KCNIP4: variants seen among roughly 807,000 people sequenced by gnomAD.
The protein encoded by KCNIP4 is Kv channel-interacting protein 4.
A neutral mutation model predicts 34.0 loss-of-function variants in KCNIP4; 12 were observed. That is an observed-to-expected ratio of 0.35 (90% confidence interval 0.23 to 0.57). The LOEUF is 0.57. Among genes scored for constraint, KCNIP4 ranks in the 20% least tolerant of loss-of-function variants. KCNIP4 has a pLI of 0.83. For missense variants in KCNIP4, 238 were observed against 311.7 expected (o/e 0.76, Z 1.78); for synonymous variants, 124 against 102.2 (o/e 1.21, Z -1.29).
chr4:21,119,776 A>C (rs192656744), intron 1 of KCNIP4, among the ~76,000 whole-genome samples: 1 of 152,108 alleles, frequency 6.6e-6, no homozygotes, highest in Admixed American at 6.5e-5. Context: ...CAAAGTAATT[A>C]GCAGGTTTAG....
chr4:21,226,098 A>G (rs976377339), intron 1 of KCNIP4, among the ~76,000 whole-genome samples: 3 of 151,576 alleles, frequency 2.0e-5, no homozygotes, highest in African/African-American at 7.3e-5. Context: ...CTCACTGTAG[A>G]GATGAAGAGA....
chr4:21,262,224 G>A (rs1761516768), intron 1 of KCNIP4, among the ~76,000 whole-genome samples: 1 of 151,906 alleles, frequency 6.6e-6, no homozygotes, highest in African/African-American at 2.4e-5. Context: ...TGGTTTTGAT[G>A]TCATCTCATC....
At chr4:21,808,564 T>C (rs756324559) in intron 1 of KCNIP4, among the ~76,000 whole-genome samples, 3 of 152,154 alleles carry the variant, frequency 2.0e-5, no homozygotes, top group Admixed American at 2.0e-4. Context: ...CAGTCAACAG[T>C]AGACTATTAG....
intron 1 of KCNIP4, among the ~76,000 whole-genome samples, chr4:21,366,814 G>A (rs571204217): frequency 5.9e-5 from 9 of 152,102 alleles, no homozygotes; most frequent in Non-Finnish European, 1.3e-4. Flanking sequence ...GAGAGGGGAG[G>A]GAGGGAGAGA....
chr4:21,748,268 A>T (rs1716910109), intron 1 of KCNIP4, among the ~76,000 whole-genome samples: 2 of 152,156 alleles, frequency 1.3e-5, no homozygotes, highest in South Asian at 4.1e-4. Flanking sequence ...AGGGTTGGGT[A>T]TTGGCTCCAT....
intron 1 of KCNIP4, among the ~76,000 whole-genome samples, chr4:21,435,114 C>T (rs1001369087): frequency 1.3e-5 from 2 of 152,038 alleles, no homozygotes; most frequent in Non-Finnish European, 2.9e-5. Flanking sequence ...TTGGCCCTTT[C>T]AAAGCACAGA....
rs557612493 is a variant in KCNIP4 at position 21,324,854 on chromosome 4, T to C, written c.62-442145A>G. On this transcript the variant is annotated intron_variant, in intron 1 of 8. Coordinates refer to ENST00000382152, the MANE Select transcript of KCNIP4 (RefSeq NM_025221.6). ...AATCCATGGATTGCTTTAGGTAGTA[T>C]GGACATTTTAATAATATTGTTTTTT... Among the ~76,000 whole-genome samples, 7 of 152,114 alleles carry C rather than the reference T, an allele frequency of 4.6e-5. No individual in the cohort carries two copies. In the East Asian group the frequency reaches 1.4e-3, roughly 29 times the overall value.
At chr4:21,829,761 G>C (rs2109303464) in intron 1 of KCNIP4, among the ~76,000 whole-genome samples, 1 of 151,136 alleles carries the variant, frequency 6.6e-6, no homozygotes, top group East Asian at 2.0e-4. Flanking sequence ...GAGGAAGAAA[G>C]GAACAAAAGT....
intron 1 of KCNIP4, among the ~76,000 whole-genome samples, chr4:21,719,243 A>C (rs1295711138): frequency 6.6e-6 from 1 of 152,192 alleles, no homozygotes; most frequent in African/African-American, 2.4e-5. Context: ...AAACCTAATT[A>C]TATCAGACAC....
At chr4:21,474,588 C>T (rs1184184615) in intron 1 of KCNIP4, among the ~76,000 whole-genome samples, 1 of 152,116 alleles carries the variant, frequency 6.6e-6, no homozygotes, top group East Asian at 1.9e-4. Context: ...AAAGCATTAT[C>T]TATAGTGATC....
intron 4 of KCNIP4, among the ~76,000 whole-genome samples, chr4:20,753,848 C>CA (rs1231167079): frequency 6.6e-6 from 1 of 152,134 alleles, no homozygotes; most frequent in Non-Finnish European, 1.5e-5. Context: ...AAGTGACTTG[C>CA]ATACAGCGGC....
chr4:21,693,693 T>C (rs1180748986), intron 1 of KCNIP4, among the ~76,000 whole-genome samples: 1 of 152,202 alleles, frequency 6.6e-6, no homozygotes, highest in African/African-American at 2.4e-5. Context: ...AATGGACAAA[T>C]GTGCATCATC....
intron 1 of KCNIP4, among the ~76,000 whole-genome samples, chr4:21,215,966 C>A (rs1414452744): frequency 6.6e-6 from 1 of 152,060 alleles, no homozygotes; most frequent in African/African-American, 2.4e-5. Context: ...CAGGCATGTG[C>A]CTTTTTTAGA....
chr4:21,135,406 C>G (rs545471769), intron 1 of KCNIP4, among the ~76,000 whole-genome samples: 1 of 152,228 alleles, frequency 6.6e-6, no homozygotes, highest in East Asian at 1.9e-4. Context: ...CAAAGCATCC[C>G]CATTTTTGTA....
intron 1 of KCNIP4, among the ~76,000 whole-genome samples, chr4:21,477,030 A>G (rs1731037887): frequency 6.6e-6 from 1 of 152,156 alleles, no homozygotes; most frequent in Admixed American, 6.6e-5. Context: ...ACTGCTTGTT[A>G]CCAGCGGTTT....
chr4:20,793,721 C>T (rs944653858), intron 3 of KCNIP4, among the ~76,000 whole-genome samples: 1 of 151,986 alleles, frequency 6.6e-6, no homozygotes, highest in African/African-American at 2.4e-5. Flanking sequence ...ACACAACTCA[C>T]CATAATGTAG....
intron 2 of KCNIP4, among the ~76,000 whole-genome samples, chr4:20,853,393 A>C (rs916424007): frequency 5.3e-5 from 8 of 152,198 alleles, no homozygotes; most frequent in African/African-American, 1.4e-4. Context: ...AGTGGGGGAA[A>C]GGACACCCTT....
chr4:21,781,975 A>G (rs2109214539), intron 1 of KCNIP4, among the ~76,000 whole-genome samples: 1 of 152,276 alleles, frequency 6.6e-6, no homozygotes, highest in Non-Finnish European at 1.5e-5. Flanking sequence ...CTATTGATAA[A>G]TCAAAATGAA....
At chr4:21,034,252 T>A (rs1440783702) in intron 1 of KCNIP4, among the ~76,000 whole-genome samples, 1 of 152,142 alleles carries the variant, frequency 6.6e-6, no homozygotes, top group Non-Finnish European at 1.5e-5. Context: ...AGAGCCAAAG[T>A]GAATTATATA....
Sources: allele counts gnomAD v4.1 joint callset (sites outside exome capture counted in the v4.1 genomes callset), GRCh38; gene constraint gnomAD v4.1.1; transcripts MANE v1.5; gene names NCBI Gene and HGNC (gene_info 2026-07-23, HGNC 2026-07-21).